The following BAZ1B variants were observed in gnomAD, a reference collection of about 807,000 sequenced individuals.
BAZ1B encodes the protein tyrosine-protein kinase BAZ1B.
A neutral mutation model predicts 153.8 loss-of-function variants in BAZ1B; 22 were observed. The observed-to-expected ratio is 0.14, with a 90% CI of 0.10 to 0.20. The LOEUF (loss-of-function observed/expected upper bound fraction) is 0.20, where lower values mean the gene tolerates loss of function less well. BAZ1B is among the 10% of genes least tolerant of loss of function. The pLI is 1.00. For synonymous variants in BAZ1B, 676 were observed against 633.4 expected (o/e 1.07, Z -1.01); for missense variants, 1,325 against 1,799.3 (o/e 0.74, Z 4.77).
chr7:73,484,625 A>G (rs1237156121), intron 6 of BAZ1B, among the ~76,000 whole-genome samples: 1 of 152,188 alleles, frequency 6.6e-6, no homozygotes, highest in Non-Finnish European at 1.5e-5. Context: ...GCCTGGGCAG[A>G]GCAAGAGCCT....
chr7:73,454,893 G>C (rs1338702764), intron 13 of BAZ1B, among the ~76,000 whole-genome samples: 1 of 151,600 alleles, frequency 6.6e-6, no homozygotes, highest in Non-Finnish European at 1.5e-5. Context: ...GTCTCGCTCT[G>C]TTGCCAGGCT....
At position 73,455,107 on chromosome 7, in the gene BAZ1B, G is replaced by A. The variant is rs147836684; in HGVS notation, c.3433-4113C>T. Among the ~76,000 whole-genome samples the A allele has an allele frequency of 5.9e-3, 888 of 151,412 alleles. 11 individuals are homozygous for A. The highest frequency in any genetic ancestry group is 0.02 in the African/African-American group (829 of 41,276). ...TCACCATGTTGGCCAGGCTGGTCTC[G>A]AACTCCTGACCTCAAGATCCGCTAG... is the stretch of plus-strand genomic sequence containing the variant. On this transcript the variant is annotated intron_variant, in intron 13 of 19. Transcript: ENST00000339594.
chr7:73,510,645 A>C, intron 2 of BAZ1B, 91 bp downstream of exon 2: 1 of 1,254,306 alleles, frequency 8.0e-7, no homozygotes, highest in Non-Finnish European at 1.2e-6. Flanking sequence ...TGCCCCATAA[A>C]CTTAAATACA....
intron 6 of BAZ1B, among the ~76,000 whole-genome samples, chr7:73,485,380 G>A (rs185664612): frequency 1.1e-4 from 16 of 152,174 alleles, no homozygotes; most frequent in Admixed American, 1.0e-3. Context: ...CAACACTTTG[G>A]GAGGCTGAGG....
intron 3 of BAZ1B, among the ~76,000 whole-genome samples, chr7:73,501,577 A>G (rs1189949195): frequency 6.6e-6 from 1 of 152,094 alleles, no homozygotes; most frequent in Non-Finnish European, 1.5e-5. Context: ...ATACCCTACA[A>G]TGCACAGGAC....
At chr7:73,465,045 C>A (rs1384122073) in intron 11 of BAZ1B, among the ~76,000 whole-genome samples, 1 of 152,082 alleles carries the variant, frequency 6.6e-6, no homozygotes, top group Non-Finnish European at 1.5e-5. Flanking sequence ...TGGATATATA[C>A]TAACTTTTAT....
At position 73,440,972 on chromosome 7, in the gene BAZ1B, G is replaced by C. The variant is rs1488918113; in HGVS notation, c.*737C>G. The C allele has an allele frequency of 6.6e-6, 1 of 152,582 alleles. No homozygotes were observed. Among genetic ancestry groups the C allele is most frequent in the African/African-American group, 2.4e-5 (1 of 41,430 alleles). The allele number at this position is 152,582 out of a possible 1,614,324, so 9.5% of individuals were successfully genotyped here. On this transcript the variant is annotated 3_prime_UTR_variant, in exon 20 of 20. Transcript: ENST00000339594. ...GAGCTAGATTTGTTGTGGGGGAAGG[G>C]GCTCTCAGAGCTTCTCTGCCGCTCT... is the stretch of plus-strand genomic sequence containing the variant.
intron 11 of BAZ1B, 84 bp from the exon 12 acceptor site, chr7:73,463,183 T>C: frequency 7.6e-7 from 1 of 1,321,862 alleles, no homozygotes; most frequent in Non-Finnish European, 1.0e-6. Context: ...ACATGTTTTA[T>C]TTCTAGAAAA....
At chr7:73,495,284 AAAATAAAT>A (rs532460669) in intron 4 of BAZ1B, among the ~76,000 whole-genome samples, 1 of 152,176 alleles carries the variant, frequency 6.6e-6, no homozygotes, top group Non-Finnish European at 1.5e-5. Flanking sequence ...CTCCGTCTCA[AAAATAAAT>A]AAATAAATAA....
Position 73,518,388 on chromosome 7 carries a change from G to A in BAZ1B, c.107+3439C>T, listed in dbSNP as rs572443260. ...AGATCGCGCCACTGCACTCCAGCCT[G>A]GGCGACAGAGCGAGACTCCGTCTCA... On this transcript the variant is annotated intron_variant, in intron 1 of 19. Coordinates refer to ENST00000339594, the MANE Select transcript of BAZ1B (RefSeq NM_032408.4). Among the ~76,000 whole-genome samples, 30 of 151,914 alleles carry A rather than the reference G, an allele frequency of 2.0e-4. 1 individual carries two copies. Among genetic ancestry groups the A allele is most frequent in the Middle Eastern group, 6.8e-3 (2 of 294 alleles).
At chr7:73,510,937 AT>A (rs1220674096) in intron 1 of BAZ1B, 85 bp from the exon 2 acceptor site, 5 of 1,111,596 alleles carry the variant, frequency 4.5e-6, no homozygotes, top group Non-Finnish European at 6.7e-6. Context: ...ACAGAAAAAA[AT>A]CTAGTCTCCT....
chr7:73,477,658 C>A lies in BAZ1B; in HGVS notation c.1803G>T (p.Gly601=), dbSNP rs1789046014. The A allele has an allele frequency of 1.9e-6, 3 of 1,614,086 alleles. No individual in the cohort carries two copies. Among genetic ancestry groups the A allele is most frequent in the South Asian group, 2.2e-5 (2 of 91,084 alleles). Residue 601 remains glycine, a synonymous_variant, in exon 7 of 20, where the codon GGG becomes GGT. Coordinates refer to ENST00000339594, the MANE Select transcript of BAZ1B (RefSeq NM_032408.4). This position sits in a 1 kb window ranked among gnomAD's most constrained non-coding sequence, Gnocchi z 5.6. ...PAFRLVDTPE[G]LPNTLFGDVA... is the part of the protein sequence containing the mutation. ...CATCCCCAAACAGCGTGTTGGGCAG[C>A]CCTTCAGGGGTATCCACCAATCTGA...
intron 13 of BAZ1B, among the ~76,000 whole-genome samples, chr7:73,452,256 T>C (rs1053641612): frequency 6.6e-6 from 1 of 152,214 alleles, no homozygotes; most frequent in Non-Finnish European, 1.5e-5. Context: ...GCAAAGCATG[T>C]AACAGTACTT....
chr7:73,441,882 C>G (rs1454525660), intron 19 of BAZ1B, 189 bp from the exon 20 acceptor site: 2 of 387,998 alleles, frequency 5.2e-6, no homozygotes, highest in African/African-American at 4.1e-5. Flanking sequence ...GAAGCCAGAG[C>G]GAGCAGGCCC....
At chr7:73,502,565 T>G (rs1310487728) in intron 3 of BAZ1B, among the ~76,000 whole-genome samples, 3 of 150,256 alleles carry the variant, frequency 2.0e-5, no homozygotes, top group African/African-American at 7.4e-5. Context: ...TGAAACCCCA[T>G]CTCTACAAAA....
chr7:73,517,144 C>A (rs929042618), intron 1 of BAZ1B, among the ~76,000 whole-genome samples: 6 of 151,162 alleles, frequency 4.0e-5, no homozygotes, highest in Non-Finnish European at 7.4e-5. Context: ...GATCGCACCA[C>A]TGCACTCCAG....
At chr7:73,479,998 T>C (rs1338435395) in intron 6 of BAZ1B, among the ~76,000 whole-genome samples, 1 of 151,722 alleles carries the variant, frequency 6.6e-6, no homozygotes, top group African/African-American at 2.4e-5. Flanking sequence ...TGAAACCCAG[T>C]CTCTACTAAA....
Position 73,492,743 on chromosome 7 carries a change from C to T in BAZ1B, c.693+57G>A, listed in dbSNP as rs1283752738. 13 of 1,491,710 alleles carry T rather than the reference C, an allele frequency of 8.7e-6. No homozygotes were observed. In the Admixed American group the frequency reaches 1.3e-4, roughly 15 times the overall value. The allele number at this position is 1,491,710 out of a possible 1,614,324, so 92.4% of individuals were successfully genotyped here. A position where few individuals can be genotyped will look rare whatever the true frequency, so the allele number is the denominator to read the frequency against. On this transcript the variant is annotated intron_variant, in intron 5 of 19. Transcript: ENST00000339594. ...CACATTTTCTCCAACAAAAGCAACC[C>T]TATGATATTTTCTTAAAGAACATCT...
At chr7:73,451,854 G>C (rs2116243496) in intron 13 of BAZ1B, among the ~76,000 whole-genome samples, 1 of 152,352 alleles carries the variant, frequency 6.6e-6, no homozygotes, top group African/African-American at 2.4e-5. Context: ...CACTACTGCA[G>C]ATTCTCTTCT....
Sources: gnomAD v4.1 joint callset for allele counts (sites outside exome capture counted in the v4.1 genomes callset) on GRCh38, gnomAD v4.1.1 for gene constraint, Gnocchi (gnomAD v3.1) non-coding constraint, MANE v1.5 for transcripts, NCBI Gene and HGNC (gene_info 2026-07-23, HGNC 2026-07-21) for gene names.